The following REDIC1 variants were observed in gnomAD, a reference collection of about 807,000 sequenced individuals.
REDIC1 encodes the protein HEI10 Interacting Protein 1.
chr12:39,684,281 A>T, the REDIC1 span: 1 of 962,464 alleles, frequency 1.0e-6, no homozygotes, highest in Non-Finnish European at 1.2e-6. Flanking sequence ...TTTAGCTAGT[A>T]GTTTCTAGCT....
chr12:39,753,713 G>A, the REDIC1 span, among the ~76,000 whole-genome samples: 5 of 152,122 alleles, frequency 3.3e-5, no homozygotes, highest in African/African-American at 1.2e-4. Flanking sequence ...GATAGGATAT[G>A]GATGATGAAA....
chr12:39,786,140 T>C, the REDIC1 span, among the ~76,000 whole-genome samples: 4 of 152,142 alleles, frequency 2.6e-5, no homozygotes, highest in Non-Finnish European at 5.9e-5. Flanking sequence ...TGATGTGCTT[T>C]GGCTTTGTCC....
At chr12:39,706,092 A>G in the REDIC1 span, among the ~76,000 whole-genome samples, 13 of 152,072 alleles carry the variant, frequency 8.5e-5, no homozygotes, top group African/African-American at 1.2e-4. Context: ...TAAAAAACCT[A>G]TTAGAATTGA....
chr12:39,720,837 G>A, the REDIC1 span: 1 of 1,612,788 alleles, frequency 6.2e-7, no homozygotes, highest in Non-Finnish European at 8.5e-7. Context: ...ATTCAAATAG[G>A]ATGACCATCA....
chr12:39,786,740 T>C, the REDIC1 span, among the ~76,000 whole-genome samples: 1 of 152,306 alleles, frequency 6.6e-6, no homozygotes, highest in Non-Finnish European at 1.5e-5. Flanking sequence ...GGTGGGTGAA[T>C]CATTCTCTGT....
chr12:39,855,698 C>T, the REDIC1 span, among the ~76,000 whole-genome samples: 18 of 152,134 alleles, frequency 1.2e-4, no homozygotes, highest in Non-Finnish European at 1.0e-4. Context: ...GTACTATATT[C>T]TTCGATTTCC....
chr12:39,846,397 G>C, the REDIC1 span, among the ~76,000 whole-genome samples: 1 of 152,160 alleles, frequency 6.6e-6, no homozygotes, highest in African/African-American at 2.4e-5. Context: ...ATCTTTCTCA[G>C]TTAAAGCATG....
At chr12:39,817,667 A>C in the REDIC1 span, among the ~76,000 whole-genome samples, 1 of 152,218 alleles carries the variant, frequency 6.6e-6, no homozygotes, top group Non-Finnish European at 1.5e-5. Flanking sequence ...CTACTATTTC[A>C]GTTAGTAGTC....
At chr12:39,687,280 C>T in the REDIC1 span, among the ~76,000 whole-genome samples, 2 of 152,114 alleles carry the variant, frequency 1.3e-5, no homozygotes, top group Admixed American at 1.3e-4. Flanking sequence ...AGTCTGTTCT[C>T]ACATTGCTAT....
chr12:39,839,486 A>G, the REDIC1 span, among the ~76,000 whole-genome samples: 1 of 152,106 alleles, frequency 6.6e-6, no homozygotes, highest in Non-Finnish European at 1.5e-5. Flanking sequence ...GCTCTCCCAG[A>G]GATTGCTGGT....
At chr12:39,660,400 C>G in the REDIC1 span, among the ~76,000 whole-genome samples, 1 of 152,288 alleles carries the variant, frequency 6.6e-6, no homozygotes, top group Admixed American at 6.5e-5. Context: ...AACCTAGGAA[C>G]AATCACAGAG....
the REDIC1 span, chr12:39,644,007 A>T: frequency 9.5e-7 from 1 of 1,051,894 alleles, no homozygotes; most frequent in Non-Finnish European, 1.3e-6. Context: ...TTGAGCTCAA[A>T]GCATGTGGAA....
the REDIC1 span, chr12:39,646,286 T>G: frequency 7.8e-6 from 5 of 641,248 alleles, no homozygotes; most frequent in Non-Finnish European, 1.1e-5. Context: ...TTACAATTTT[T>G]TATTCTTATT....
the REDIC1 span, among the ~76,000 whole-genome samples, chr12:39,718,195 C>T: frequency 6.6e-6 from 1 of 152,108 alleles, no homozygotes. Context: ...TCTCCCATCG[C>T]ATTGACCATC....
chr12:39,864,790 C>T, the REDIC1 span: 2 of 1,613,938 alleles, frequency 1.2e-6, no homozygotes, highest in South Asian at 1.1e-5. Flanking sequence ...GCGTTCTGAC[C>T]TGACGGAGCT....
At chr12:39,835,852 C>T in the REDIC1 span, 5 of 151,964 alleles carry the variant, frequency 3.3e-5, no homozygotes, top group South Asian at 2.1e-4. Flanking sequence ...GATGAATTGA[C>T]GTAAATATAT....
At chr12:39,668,657 C>G in the REDIC1 span, among the ~76,000 whole-genome samples, 1 of 152,210 alleles carries the variant, frequency 6.6e-6, no homozygotes, top group Non-Finnish European at 1.5e-5. Context: ...TGTTTTCCAA[C>G]TCGGTTCCGT....
chr12:39,746,919 T>G, the REDIC1 span, among the ~76,000 whole-genome samples: 7 of 151,872 alleles, frequency 4.6e-5, no homozygotes, highest in African/African-American at 1.7e-4. Context: ...ACCAAAAACT[T>G]ATCTGTACAT....
At chr12:39,842,975 T>C in the REDIC1 span, among the ~76,000 whole-genome samples, 495 of 152,204 alleles carry the variant, frequency 3.3e-3, 1 homozygote, top group African/African-American at 0.011. Flanking sequence ...AATATTCCAC[T>C]GTAGGATATA....
Sources: gnomAD v4.1 joint callset for allele counts (sites outside exome capture counted in the v4.1 genomes callset) on GRCh38, gnomAD v4.1.1 for gene constraint, MANE v1.5 for transcripts, NCBI Gene and HGNC (gene_info 2026-07-23, HGNC 2026-07-21) for gene names.